PNO1: variants seen among roughly 807,000 people sequenced by gnomAD.
PNO1 encodes the protein partner of NOB1 homolog.
A neutral mutation model predicts 28.4 loss-of-function variants in PNO1; 16 were observed. The observed-to-expected ratio is 0.56, with a 90% CI of 0.38 to 0.85. The LOEUF (loss-of-function observed/expected upper bound fraction) is 0.85. Among genes scored for constraint, PNO1 ranks in the 40% least tolerant of loss-of-function variants. PNO1 has a pLI of 0.00. For missense variants in PNO1, 304 were observed against 312.2 expected (o/e 0.97, Z 0.20); for synonymous variants, 115 against 110.8 (o/e 1.04, Z -0.24).
At chr2:68,167,510 G>A (rs992033310) in intron 5 of PNO1, among the ~76,000 whole-genome samples, 3 of 152,088 alleles carry the variant, frequency 2.0e-5, no homozygotes, top group Admixed American at 1.3e-4. Flanking sequence ...TATAGATAAC[G>A]GCAGTCCTGA....
intron 2 of PNO1, chr2:68,161,249 TAA>T (rs1334398573): frequency 2.1e-6 from 1 of 471,298 alleles, no homozygotes; most frequent in East Asian, 6.9e-5. Context: ...GCTGTTGGTT[TAA>T]GAAACATCAG....
chr2:68,157,957 A>C lies in PNO1; in HGVS notation c.23A>C (p.Gln8Pro), dbSNP rs375136958. 6.2e-7 allele frequency: 1 copy of C among 1,614,078 alleles called. No individual in the cohort carries two copies. The highest frequency in any genetic ancestry group is 8.5e-7 in the Non-Finnish European group (1 of 1,180,012). ...GGGATGGAATCCGAAATGGAAACGC[A>C]GAGCGCCAGGGCAGAGGAGGGCTTT... MESEMET[Q>P]SARAEEGFTQ... The change falls in exon 1 of 7, where the codon CAG becomes CCG. Residue 8 changes from glutamine (Q) to proline (P), a missense_variant. Coordinates refer to ENST00000263657, the MANE Select transcript of PNO1 (RefSeq NM_020143.4).
chr2:68,173,290 T>C, intron 5 of PNO1, 57 bp from the exon 6 acceptor site: 1 of 1,045,242 alleles, frequency 9.6e-7, no homozygotes, highest in Non-Finnish European at 1.5e-6. Flanking sequence ...GTGCTGGGAT[T>C]ACAGGTGTGA....
chr2:68,162,277 C>T lies in PNO1; in HGVS notation c.454C>T (p.Leu152Phe), dbSNP rs1446667058. 6.2e-7 allele frequency: 1 copy of T among 1,612,244 alleles called. No homozygotes were observed. Among genetic ancestry groups the T allele is most frequent in the Non-Finnish European group, 8.5e-7 (1 of 1,178,478 alleles). Residue 152 changes from leucine (L) to phenylalanine (F), a missense_variant, in exon 4 of 7, where the codon CTC (leucine) becomes TTC (phenylalanine). Transcript: ENST00000263657. ...TTTTATATTATAGGATGCACTTGCC[C>T]TCATCAGGTTGGATGACCTCTTCCT... ...LGFQVEDALA[L>F]IRLDDLFLES... is the part of the protein sequence containing the mutation.
chr2:68,165,160 C>T (rs1350231136), intron 5 of PNO1, among the ~76,000 whole-genome samples: 2 of 150,876 alleles, frequency 1.3e-5, no homozygotes, highest in African/African-American at 2.4e-5. Flanking sequence ...GTCAGGAGAT[C>T]GAGACCATCC....
At chr2:68,161,246 G>C (rs936624003) in intron 2 of PNO1, 1 of 471,310 alleles carries the variant, frequency 2.1e-6, no homozygotes, top group East Asian at 6.9e-5. Flanking sequence ...GGAGCTGTTG[G>C]TTTAAGAAAC....
intron 2 of PNO1, among the ~76,000 whole-genome samples, chr2:68,159,273 TG>T (rs1165141922): frequency 5.3e-5 from 8 of 151,596 alleles, no homozygotes; most frequent in African/African-American, 2.4e-5. Context: ...TGTGTGTGTG[TG>T]TGTGTATATA....
At chr2:68,167,602 C>A (rs10170084) in intron 5 of PNO1, among the ~76,000 whole-genome samples, 1 of 152,186 alleles carries the variant, frequency 6.6e-6, no homozygotes, top group East Asian at 1.9e-4. Context: ...TGCTTCTCTT[C>A]TTTACTAATA....
intron 2 of PNO1, among the ~76,000 whole-genome samples, chr2:68,160,504 T>TG (rs1673804526): frequency 6.6e-6 from 1 of 152,240 alleles, no homozygotes; most frequent in African/African-American, 2.4e-5. Context: ...ATATCTTCAG[T>TG]GCCTAAACTT....
At chr2:68,163,498 T>A (rs938353187) in intron 5 of PNO1, among the ~76,000 whole-genome samples, 3 of 152,036 alleles carry the variant, frequency 2.0e-5, no homozygotes, top group Non-Finnish European at 4.4e-5. Flanking sequence ...GCCACTGCAC[T>A]CCAGCCTGGG....
chr2:68,162,392 T>C lies in PNO1; in HGVS notation c.502+67T>C. 3 of 1,260,576 alleles carry C rather than the reference T, an allele frequency of 2.4e-6. No homozygotes were observed. In the South Asian group the frequency reaches 3.8e-5, roughly 16 times the overall value. The allele number at this position is 1,260,576 out of a possible 1,614,324, so 78.1% of individuals were successfully genotyped here. ...TATTGTGATGTGACTCTCAGTTTTC[T>C]AATAGCATCAATTGAGCTGTATTTT... On this transcript the variant is annotated intron_variant, in intron 4 of 6. Transcript: ENST00000263657.
At chr2:68,167,946 C>T (rs1674033604) in intron 5 of PNO1, among the ~76,000 whole-genome samples, 1 of 152,146 alleles carries the variant, frequency 6.6e-6, no homozygotes, top group African/African-American at 2.4e-5. Flanking sequence ...CAATCCTGCA[C>T]CCACATAAAA....
At position 68,174,806 on chromosome 2, in the gene PNO1, C is replaced by G. The variant is rs773101063; in HGVS notation, c.*4C>G. ...CAGATCAGCAGATCGATTCTGATTT[C>G]AAGTCAGAGACTTTTTATCTTGCCT... On this transcript the variant is annotated 3_prime_UTR_variant, in exon 7 of 7. Coordinates refer to ENST00000263657, the MANE Select transcript of PNO1 (RefSeq NM_020143.4). 1 of 1,581,546 alleles carries G rather than the reference C, an allele frequency of 6.3e-7. No homozygotes were observed. Among genetic ancestry groups the G allele is most frequent in the Non-Finnish European group, 8.7e-7 (1 of 1,151,572 alleles).
At chr2:68,168,209 G>A (rs1294995735) in intron 5 of PNO1, among the ~76,000 whole-genome samples, 1 of 152,236 alleles carries the variant, frequency 6.6e-6, no homozygotes, top group Non-Finnish European at 1.5e-5. Flanking sequence ...TATAAGAGGG[G>A]TCCTAATGCT....
chr2:68,162,765 A>C, intron 5 of PNO1, 102 bp downstream of exon 5: 1 of 792,050 alleles, frequency 1.3e-6, no homozygotes, highest in South Asian at 1.5e-5. Flanking sequence ...GTTGCTGCTA[A>C]ATCTTTGTCA....
chr2:68,157,964 CAG>C lies in PNO1; in HGVS notation c.31_32del (p.Arg11GlyfsTer22). On this transcript the variant is annotated frameshift_variant, in exon 1 of 7. Transcript: ENST00000263657. LOFTEE classifies it high-confidence loss of function. Reference sequence around the variant, plus strand: ...AATCCGAAATGGAAACGCAGAGCGCCAGGGCAGAGGAGGGCTTTACCCAGGTC... The same window carrying C: ...AATCCGAAATGGAAACGCAGAGCGCCGGCAGAGGAGGGCTTTACCCAGGTC... MESEMETQSA[R>X]AEEGFTQVTR... is the part of the protein sequence containing the mutation. 1 of 1,614,032 alleles carries C rather than the reference CAG, an allele frequency of 6.2e-7. No homozygotes were observed. The highest frequency in any genetic ancestry group is 8.5e-7 in the Non-Finnish European group (1 of 1,180,002).
chr2:68,159,355 C>T (rs1344424931), intron 2 of PNO1, among the ~76,000 whole-genome samples: 1 of 151,794 alleles, frequency 6.6e-6, no homozygotes, highest in Admixed American at 6.6e-5. Flanking sequence ...TTAACAGGTG[C>T]CTGCCACCAA....
intron 5 of PNO1, among the ~76,000 whole-genome samples, chr2:68,171,716 G>A (rs900439099): frequency 4.6e-5 from 7 of 152,150 alleles, no homozygotes; most frequent in African/African-American, 1.4e-4. Flanking sequence ...GGGAGAGAGC[G>A]GAGAGTGACA....
At position 68,162,634 on chromosome 2, in the gene PNO1, G is replaced by A; in HGVS notation, c.591G>A (p.Val197=). 1.2e-6 allele frequency: 2 copies of A among 1,612,126 alleles called. No homozygotes were observed. The highest frequency in any genetic ancestry group is 1.7e-6 in the Non-Finnish European group (2 of 1,178,216). Reference sequence around the variant, plus strand: ...AAACCAAATTCACCATAGAGAATGTGACACGGACAAGGATAGTTTTGGCTG... The same window carrying A: ...AAACCAAATTCACCATAGAGAATGTAACACGGACAAGGATAGTTTTGGCTG... ...GGKTKFTIEN[V]TRTRIVLADV... Residue 197 remains valine (V), a synonymous_variant, in exon 5 of 7, where the codon GTG becomes GTA. Transcript: ENST00000263657.
Sources: allele counts gnomAD v4.1 joint callset (sites outside exome capture counted in the v4.1 genomes callset), GRCh38; gene constraint gnomAD v4.1.1; transcripts MANE v1.5; gene names NCBI Gene and HGNC (gene_info 2026-07-23, HGNC 2026-07-21).